LOC128092252: variants seen among roughly 807,000 people sequenced by gnomAD.
At chr15:50,653,154 C>A in the LOC128092252 span, among the ~76,000 whole-genome samples, 6 of 152,004 alleles carry the variant, frequency 3.9e-5, no homozygotes, top group East Asian at 1.9e-4. Context: ...CCCACTCCCC[C>A]CAAAAAGAAA....
At chr15:50,679,543 T>A in the LOC128092252 span, among the ~76,000 whole-genome samples, 1 of 97,904 alleles carries the variant, frequency 1.0e-5, no homozygotes. Context: ...TATATATTTT[T>A]TTTTTTTTTT....
At chr15:50,672,242 A>G in the LOC128092252 span, among the ~76,000 whole-genome samples, 2 of 151,900 alleles carry the variant, frequency 1.3e-5, no homozygotes, top group East Asian at 3.9e-4. Context: ...TTTAGTAGAG[A>G]CATTTTCACC....
chr15:50,679,826 T>C, the LOC128092252 span, among the ~76,000 whole-genome samples: 1 of 151,058 alleles, frequency 6.6e-6, no homozygotes, highest in Non-Finnish European at 1.5e-5. Context: ...AGAGCCACCA[T>C]GCCCAGTCTT....
the LOC128092252 span, among the ~76,000 whole-genome samples, chr15:50,654,736 C>T: frequency 1.3e-5 from 2 of 150,948 alleles, no homozygotes; most frequent in African/African-American, 4.8e-5. Context: ...CAGTGGCTCA[C>T]GCCTGTAATC....
chr15:50,680,144 G>C, the LOC128092252 span, among the ~76,000 whole-genome samples: 1 of 152,064 alleles, frequency 6.6e-6, no homozygotes, highest in Non-Finnish European at 1.5e-5. Flanking sequence ...TGACAGAGGA[G>C]AATCACTTGA....
the LOC128092252 span, chr15:50,686,607 G>T: frequency 1.3e-5 from 21 of 1,582,336 alleles, no homozygotes; most frequent in Non-Finnish European, 3.4e-6. Context: ...GCCATCTATC[G>T]GGAAGCGTCT....
At chr15:50,670,882 A>T in the LOC128092252 span, among the ~76,000 whole-genome samples, 2 of 152,072 alleles carry the variant, frequency 1.3e-5, no homozygotes, top group African/African-American at 4.8e-5. Context: ...GTGTCAAAAC[A>T]TATTAAGTAG....
chr15:50,676,659 G>A, the LOC128092252 span, among the ~76,000 whole-genome samples: 3 of 151,984 alleles, frequency 2.0e-5, no homozygotes, highest in Non-Finnish European at 2.9e-5. Flanking sequence ...TAGAATAAAG[G>A]AATGGTATTG....
the LOC128092252 span, among the ~76,000 whole-genome samples, chr15:50,668,114 A>C: frequency 2.0e-5 from 3 of 152,126 alleles, no homozygotes; most frequent in Admixed American, 2.0e-4. Flanking sequence ...TCATGTTTTG[A>C]TCCTCTTCGA....
At chr15:50,679,539 T>TATATGTGTA in the LOC128092252 span, among the ~76,000 whole-genome samples, 1 of 22,304 alleles carries the variant, frequency 4.5e-5, no homozygotes, top group African/African-American at 2.1e-4. Context: ...TATATATATA[T>TATATGTGTA]TTTTTTTTTT....
the LOC128092252 span, among the ~76,000 whole-genome samples, chr15:50,663,552 C>T: frequency 2.9e-3 from 439 of 152,264 alleles, 3 homozygotes; most frequent in African/African-American, 0.01. Context: ...ATTAAATCAA[C>T]AGTACTGTGT....
chr15:50,662,336 A>G, the LOC128092252 span, among the ~76,000 whole-genome samples: 1 of 152,066 alleles, frequency 6.6e-6, no homozygotes, highest in Non-Finnish European at 1.5e-5. Context: ...CAAAAAAAAA[A>G]AAAAGGTAAA....
chr15:50,680,102 C>T, the LOC128092252 span, among the ~76,000 whole-genome samples: 1 of 151,758 alleles, frequency 6.6e-6, no homozygotes, highest in South Asian at 2.1e-4. Flanking sequence ...GGCATGGTGG[C>T]GGGTGCCTGT....
chr15:50,671,800 T>C, the LOC128092252 span, among the ~76,000 whole-genome samples: 1 of 151,162 alleles, frequency 6.6e-6, no homozygotes, highest in African/African-American at 2.4e-5. Context: ...AGAGAACTTG[T>C]CTCGAAAAAA....
chr15:50,651,569 G>C, the LOC128092252 span, among the ~76,000 whole-genome samples: 4 of 152,180 alleles, frequency 2.6e-5, no homozygotes, highest in Non-Finnish European at 5.9e-5. Flanking sequence ...GGCCGAGGCA[G>C]GTGGATTGCT....
the LOC128092252 span, chr15:50,686,534 T>A: frequency 8.7e-6 from 14 of 1,610,748 alleles, no homozygotes; most frequent in Non-Finnish European, 1.2e-5. Flanking sequence ...CCAGTACCAT[T>A]CTCCTCACGG....
chr15:50,668,985 T>G, the LOC128092252 span, among the ~76,000 whole-genome samples: 1 of 152,216 alleles, frequency 6.6e-6, no homozygotes, highest in African/African-American at 2.4e-5. Flanking sequence ...CCTCATATCT[T>G]GTCTACGCAG....
the LOC128092252 span, among the ~76,000 whole-genome samples, chr15:50,681,670 A>G: frequency 6.6e-6 from 1 of 152,220 alleles, no homozygotes; most frequent in East Asian, 1.9e-4. Context: ...GACTTAGCTC[A>G]AAAGCTTTTT....
the LOC128092252 span, among the ~76,000 whole-genome samples, chr15:50,665,535 T>C: frequency 6.6e-6 from 1 of 152,048 alleles, no homozygotes; most frequent in African/African-American, 2.4e-5. Flanking sequence ...ACCACCAACA[T>C]TCAACACTTT....
Sources: gnomAD v4.1 joint callset for allele counts (sites outside exome capture counted in the v4.1 genomes callset) on GRCh38, gnomAD v4.1.1 for gene constraint, MANE v1.5 for transcripts.